The following SLCO2A1 variants were observed in gnomAD, a reference collection of about 807,000 sequenced individuals.
SLCO2A1 encodes solute carrier organic anion transporter family member 2A1.
A neutral mutation model predicts 71.7 loss-of-function variants in SLCO2A1; 60 were observed. That is an observed-to-expected ratio of 0.84 (90% CI 0.68 to 1.04). The LOEUF is 1.04. SLCO2A1 is among the 50% of genes least tolerant of loss of function. SLCO2A1 has a pLI of 0.00. For synonymous variants in SLCO2A1, 308 were observed against 326.7 expected (o/e 0.94, Z 0.62); for missense variants, 745 against 813.4 (o/e 0.92, Z 1.02).
intron 9 of SLCO2A1, among the ~76,000 whole-genome samples, chr3:133,946,351 A>G (rs2108041093): frequency 6.6e-6 from 1 of 152,220 alleles, no homozygotes; most frequent in African/African-American, 2.4e-5. Context: ...GGCACCCAGG[A>G]AAAATAAAAT....
intron 1 of SLCO2A1, among the ~76,000 whole-genome samples, chr3:134,021,651 G>C (rs1935580860): frequency 6.6e-6 from 1 of 150,856 alleles, no homozygotes; most frequent in Non-Finnish European, 1.5e-5. Flanking sequence ...GAGAGAGAGA[G>C]AGAAAGAGAA....
intron 1 of SLCO2A1, among the ~76,000 whole-genome samples, chr3:134,024,583 G>A (rs1202363830): frequency 1.3e-5 from 2 of 152,182 alleles, no homozygotes; most frequent in African/African-American, 2.4e-5. Context: ...GTGGGGCTCT[G>A]GCCAAGGCCA....
chr3:133,946,236 G>GA (rs113147743), intron 9 of SLCO2A1, among the ~76,000 whole-genome samples: 2,753 of 94,224 alleles, frequency 0.029, 60 homozygotes, highest in African/African-American at 0.073. Context: ...TCATTTCAAA[G>GA]AAAAAAAAAA....
chr3:133,985,985 C>G (rs1016666194), intron 1 of SLCO2A1, among the ~76,000 whole-genome samples: 2 of 152,204 alleles, frequency 1.3e-5, no homozygotes, highest in Non-Finnish European at 2.9e-5. Context: ...CTTGGCTAAA[C>G]CCAAACTGAA....
chr3:133,969,283 A>G (rs184161724), intron 3 of SLCO2A1, among the ~76,000 whole-genome samples: 4 of 152,230 alleles, frequency 2.6e-5, no homozygotes, highest in Admixed American at 2.6e-4. Context: ...ACAAAAAATC[A>G]TCTGGGCCTG....
intron 1 of SLCO2A1, among the ~76,000 whole-genome samples, chr3:133,985,886 C>T (rs1461142401): frequency 6.6e-6 from 1 of 152,150 alleles, no homozygotes; most frequent in East Asian, 1.9e-4. Flanking sequence ...TACATTTGCC[C>T]CTTTGGTGCT....
At chr3:133,958,745 A>G (rs961010010) in intron 3 of SLCO2A1, among the ~76,000 whole-genome samples, 1 of 152,220 alleles carries the variant, frequency 6.6e-6, no homozygotes, top group Non-Finnish European at 1.5e-5. Flanking sequence ...TTGCATCCAT[A>G]AATAAAAGGG....
chr3:134,002,205 C>A (rs956787416), intron 1 of SLCO2A1, among the ~76,000 whole-genome samples: 8 of 152,312 alleles, frequency 5.3e-5, no homozygotes, highest in African/African-American at 1.9e-4. Context: ...GCACAGCAAG[C>A]CTGTGTGCTG....
At chr3:133,982,815 T>A (rs1217505379) in intron 1 of SLCO2A1, among the ~76,000 whole-genome samples, 1 of 152,048 alleles carries the variant, frequency 6.6e-6, no homozygotes, top group East Asian at 1.9e-4. Context: ...AGGGGGAGCT[T>A]TCTCAAGCAC....
intron 11 of SLCO2A1, among the ~76,000 whole-genome samples, chr3:133,940,663 C>T (rs748247162): frequency 2.8e-4 from 43 of 152,112 alleles, no homozygotes; most frequent in Non-Finnish European, 5.0e-4. Flanking sequence ...AAGGGAAGCC[C>T]GCTGAAGAGT....
At chr3:133,993,399 A>C (rs1043435901) in intron 1 of SLCO2A1, among the ~76,000 whole-genome samples, 1 of 152,252 alleles carries the variant, frequency 6.6e-6, no homozygotes, top group African/African-American at 2.4e-5. Context: ...GGTCTGTGAA[A>C]GAAGGTGAAA....
intron 3 of SLCO2A1, among the ~76,000 whole-genome samples, chr3:133,965,452 C>T (rs1345378460): frequency 6.6e-6 from 1 of 152,196 alleles, no homozygotes; most frequent in African/African-American, 2.4e-5. Flanking sequence ...AAGGAAACTG[C>T]TTACAAATGT....
chr3:133,965,438 A>C (rs1397455654), intron 3 of SLCO2A1, among the ~76,000 whole-genome samples: 4 of 152,168 alleles, frequency 2.6e-5, no homozygotes, highest in Non-Finnish European at 4.4e-5. Context: ...GACTTTGGAG[A>C]AAGAAGGAAA....
At chr3:133,955,232 C>A in intron 3 of SLCO2A1, 39 bp from the exon 4 acceptor site, 1 of 1,558,758 alleles carries the variant, frequency 6.4e-7, no homozygotes, top group South Asian at 1.2e-5. Context: ...CCACCCTGGT[C>A]TCCTGGTTCC....
intron 1 of SLCO2A1, among the ~76,000 whole-genome samples, chr3:134,015,657 C>T (rs1430938866): frequency 6.6e-6 from 1 of 152,154 alleles, no homozygotes; most frequent in Non-Finnish European, 1.5e-5. Flanking sequence ...AATCACGCCA[C>T]ATTGCACAGA....
chr3:133,947,790 C>A (rs1353626075), intron 8 of SLCO2A1, among the ~76,000 whole-genome samples: 1 of 152,142 alleles, frequency 6.6e-6, no homozygotes, highest in African/African-American at 2.4e-5. Context: ...AGAGTGATGA[C>A]CCCTATGTAC....
chr3:134,021,635 G>A (rs940612949), intron 1 of SLCO2A1, among the ~76,000 whole-genome samples: 1 of 151,572 alleles, frequency 6.6e-6, no homozygotes. Flanking sequence ...CAAAGAGGGA[G>A]TCAAGGAGAG....
chr3:133,958,424 C>T (rs1242101343), intron 3 of SLCO2A1, among the ~76,000 whole-genome samples: 1 of 152,156 alleles, frequency 6.6e-6, no homozygotes, highest in East Asian at 1.9e-4. Flanking sequence ...AGACAGGACA[C>T]CCGGGGCTGT....
chr3:133,966,720 C>CTGGT (rs540618460), intron 3 of SLCO2A1, among the ~76,000 whole-genome samples: 226 of 152,318 alleles, frequency 1.5e-3, no homozygotes, highest in Non-Finnish European at 2.4e-4. Flanking sequence ...TTCCAACCTC[C>CTGGT]TGGTGGGTAG....
Sources: gnomAD v4.1 joint callset for allele counts (sites outside exome capture counted in the v4.1 genomes callset) on GRCh38, gnomAD v4.1.1 for gene constraint, MANE v1.5 for transcripts, NCBI Gene and HGNC (gene_info 2026-07-23, HGNC 2026-07-21) for gene names.